FANCM: variants seen among roughly 807,000 people sequenced by gnomAD.
FANCM encodes the protein Fanconi anemia group M protein.
Under a neutral mutation model 199.5 loss-of-function variants are expected in FANCM, and 140 were observed. The ratio of observed to expected loss-of-function variants is 0.70; its 90% CI spans 0.61 to 0.81. The LOEUF (loss-of-function observed/expected upper bound fraction) is 0.81. FANCM is among the 30% of genes least tolerant of loss of function. The pLI, the probability that FANCM is intolerant of heterozygous loss-of-function variation, is 0.00. For synonymous variants in FANCM, 840 were observed against 836.8 expected (o/e 1.00, Z -0.07); for missense variants, 2,410 against 2,421.4 (o/e 1.00, Z 0.10).
At chr14:45,150,007 C>T (rs1886704303) in intron 4 of FANCM, among the ~76,000 whole-genome samples, 1 of 152,176 alleles carries the variant, frequency 6.6e-6, no homozygotes, top group African/African-American at 2.4e-5. Context: ...AGACAATTGT[C>T]ATTTTCACTG....
Position 45,159,273 on chromosome 14 carries a change from A to T in FANCM, c.1574A>T (p.Gln525Leu). ...KSTKGFTQKE[Q>L]LEVVKQFRDG... Reference sequence around the variant, plus strand: ...ACGAAGGGTTTTACCCAGAAGGAGCAACTGGAGGTAATTATTTTTGGAATT... The same window carrying T: ...ACGAAGGGTTTTACCCAGAAGGAGCTACTGGAGGTAATTATTTTTGGAATT... The change falls in exon 9 of 23, where the codon CAA becomes CTA. Residue 525 changes from glutamine to leucine, a missense_variant. Coordinates refer to ENST00000267430, the MANE Select transcript of FANCM (RefSeq NM_020937.4). 6.2e-7 allele frequency: 1 copy of T among 1,610,510 alleles called. No homozygotes were observed. The highest frequency in any genetic ancestry group is 1.1e-5 in the South Asian group (1 of 90,728).
intron 9 of FANCM, among the ~76,000 whole-genome samples, chr14:45,160,412 T>C (rs1310504807): frequency 1.3e-5 from 2 of 150,284 alleles, no homozygotes; most frequent in African/African-American, 4.9e-5. Context: ...AACCTCCGCC[T>C]CCCGGGTTCA....
chr14:45,196,503 T>C lies in FANCM; in HGVS notation c.5672T>C (p.Phe1891Ser), dbSNP rs1890067683. 1 of 1,614,116 alleles carries C rather than the reference T, an allele frequency of 6.2e-7. No individual in the cohort carries two copies. The highest frequency in any genetic ancestry group is 8.5e-7 in the Non-Finnish European group (1 of 1,180,002). ...CAGATCCAGCACCTGCAGAGTATGT[T>C]TGAAAGAATATGTGTGATTGTGGAA... ...IEQIQHLQSM[F>S]ERICVIVEKD... The change falls in exon 21 of 23, where the codon TTT becomes TCT. Residue 1891 changes from phenylalanine (F) to serine (S), a missense_variant. Transcript: ENST00000267430.
At chr14:45,181,583 C>T (rs575814478) in intron 15 of FANCM, 54 bp from the exon 16 acceptor site, 2 of 1,528,540 alleles carry the variant, frequency 1.3e-6, no homozygotes, top group South Asian at 2.2e-5. Flanking sequence ...TCCTTTTATA[C>T]CTTGGGCTTC....
intron 4 of FANCM, among the ~76,000 whole-genome samples, chr14:45,150,621 A>G (rs567482956): frequency 6.6e-6 from 1 of 152,282 alleles, no homozygotes; most frequent in Non-Finnish European, 1.5e-5. Flanking sequence ...AGAACCTCAC[A>G]TGGTAGACAT....
rs2139234721 is a variant in FANCM at position 45,173,103 on chromosome 14, A to G, written c.2209A>G (p.Arg737Gly). The G allele has an allele frequency of 1.2e-6, 2 of 1,611,976 alleles. No individual in the cohort carries two copies. Among genetic ancestry groups the G allele is most frequent in the South Asian group, 1.1e-5 (1 of 91,042 alleles). The part of the protein sequence containing the change: ...GIHQLSLSEW[R>G]LWQDHPLPTH... ...TCATCAACTCTCTCTCTCTGAATGGAGACTGTGGCAAGATCATCCTTTGCC... is the reference window on the plus strand; with the variant it reads ...TCATCAACTCTCTCTCTCTGAATGGGGACTGTGGCAAGATCATCCTTTGCC... The change falls in exon 13 of 23, where the codon AGA becomes GGA. Residue 737 changes from arginine to glycine, a missense_variant. By Grantham distance (125) the Arg-to-Gly change is moderately radical (BLOSUM62 -2). Coordinates refer to ENST00000267430, the MANE Select transcript of FANCM (RefSeq NM_020937.4).
At chr14:45,186,818 A>C (rs909988922) in intron 18 of FANCM, among the ~76,000 whole-genome samples, 3 of 152,214 alleles carry the variant, frequency 2.0e-5, no homozygotes, top group Non-Finnish European at 4.4e-5. Context: ...GGTAGTAGGA[A>C]GATCAGAGAA....
chr14:45,157,075 A>G (rs1157075335), intron 8 of FANCM, among the ~76,000 whole-genome samples: 1 of 152,174 alleles, frequency 6.6e-6, no homozygotes, highest in Non-Finnish European at 1.5e-5. Context: ...TGATTTAGCC[A>G]TTTCACAATG....
intron 14 of FANCM, 51 bp from the exon 15 acceptor site, chr14:45,181,379 G>A (rs758757091): frequency 6.2e-6 from 6 of 963,454 alleles, no homozygotes; most frequent in Non-Finnish European, 9.9e-6. Flanking sequence ...TGTTATGATT[G>A]GGTAAACCTA....
chr14:45,189,139 A>C lies in FANCM; in HGVS notation c.5117A>C (p.Asn1706Thr), dbSNP rs767619000. 1.3e-4 allele frequency: 211 copies of C among 1,614,106 alleles called. No homozygotes were observed. Among genetic ancestry groups the C allele is most frequent in the Non-Finnish European group, 1.7e-4 (205 of 1,180,014 alleles). Residue 1706 changes from asparagine (N) to threonine (T), a missense_variant, in exon 20 of 23, where the codon AAT becomes ACT. Physicochemically the swap from Asn to Thr is moderately conservative, Grantham distance 65. Transcript: ENST00000267430. ...AACAAACAACAGGACCATTGTTTAA[A>C]TTCAGTGCCTTCTGGATCTTCTGCG... ...KKNKQQDHCL[N>T]SVPSGSSAQS...
At position 45,176,668 on chromosome 14, in the gene FANCM, C is replaced by T. The variant is rs1437085417; in HGVS notation, c.3914C>T (p.Pro1305Leu). The T allele has an allele frequency of 1.9e-6, 3 of 1,613,442 alleles. No homozygotes were observed. The highest frequency in any genetic ancestry group is 1.3e-5 in the African/African-American group (1 of 74,840). ...CCATCAAATGAAGATATGCAGAATC[C>T]AAATTATGTACATTTGCCACTGAGT... ...IIPSNEDMQN[P>L]NYVHLPLSAA... is the part of the protein sequence containing the mutation. The change falls in exon 14 of 23, where the codon CCA becomes CTA. Residue 1305 changes from proline to leucine, a missense_variant. Transcript: ENST00000267430.
At chr14:45,167,234 A>G (rs1010587597) in intron 11 of FANCM, 71 bp downstream of exon 11, 21 of 884,250 alleles carry the variant, frequency 2.4e-5, no homozygotes, top group Admixed American at 1.8e-5. Context: ...TCTTGATATA[A>G]TATTTCTTGT....
intron 10 of FANCM, among the ~76,000 whole-genome samples, chr14:45,166,566 G>C (rs1374913842): frequency 1.3e-5 from 2 of 152,104 alleles, no homozygotes; most frequent in Non-Finnish European, 2.9e-5. Context: ...GATCACTTGA[G>C]CCTTGGAGTT....
intron 20 of FANCM, among the ~76,000 whole-genome samples, chr14:45,194,935 G>C (rs1391791393): frequency 6.6e-6 from 1 of 151,716 alleles, no homozygotes; most frequent in African/African-American, 2.4e-5. Flanking sequence ...TTTTAGTAGA[G>C]ACAGGGTTTC....
chr14:45,135,982 C>G lies in FANCM; in HGVS notation c.-50C>G. The G allele has an allele frequency of 6.3e-7, 1 of 1,593,104 alleles. No homozygotes were observed. The highest frequency in any genetic ancestry group is 8.6e-7 in the Non-Finnish European group (1 of 1,163,350). ...GGGGATCGGAACCGTAGCGGTTGAG[C>G]TGCTGCTGCTACGGATATCTGACAG... is the stretch of plus-strand genomic sequence containing the variant. On this transcript the variant is annotated 5_prime_UTR_variant, in exon 1 of 23. Coordinates refer to ENST00000267430, the MANE Select transcript of FANCM (RefSeq NM_020937.4).
At chr14:45,191,727 AT>A (rs1889779954) in intron 20 of FANCM, among the ~76,000 whole-genome samples, 3 of 152,214 alleles carry the variant, frequency 2.0e-5, no homozygotes, top group African/African-American at 7.2e-5. Flanking sequence ...AGGAGAAAGA[AT>A]TTTTTGAGGT....
chr14:45,164,714 G>T, intron 10 of FANCM, 149 bp downstream of exon 10: 2 of 656,022 alleles, frequency 3.0e-6, no homozygotes, highest in Non-Finnish European at 2.6e-6. Context: ...ATTCTCTCTT[G>T]TAACTAGGAG....
At chr14:45,155,333 A>G in intron 7 of FANCM, 40 bp from the exon 8 acceptor site, 1 of 920,200 alleles carries the variant, frequency 1.1e-6, no homozygotes, top group Non-Finnish European at 1.8e-6. Context: ...GAATATGGAA[A>G]AAAACAGAAA....
chr14:45,190,967 A>C (rs1889731594), intron 20 of FANCM, among the ~76,000 whole-genome samples: 1 of 152,136 alleles, frequency 6.6e-6, no homozygotes, highest in South Asian at 2.1e-4. Flanking sequence ...TCCTGGGCTC[A>C]TGTGATCCTC....
Sources: allele counts gnomAD v4.1 joint callset (sites outside exome capture counted in the v4.1 genomes callset), GRCh38; gene constraint gnomAD v4.1.1; transcripts MANE v1.5; gene names NCBI Gene and HGNC (gene_info 2026-07-23, HGNC 2026-07-21).